Variants in NUP93 observed in about 807,000 individuals in gnomAD.
NUP93 encodes nucleoporin 93.
A neutral mutation model predicts 107.8 loss-of-function variants in NUP93; 55 were observed. That is an observed-to-expected ratio of 0.51 (90% confidence interval 0.41 to 0.64). The LOEUF (loss-of-function observed/expected upper bound fraction) is 0.64. Among genes scored for constraint, NUP93 ranks in the 30% least tolerant of loss-of-function variants. NUP93 has a pLI of 0.00. For missense variants in NUP93, 937 were observed against 1,044.7 expected (o/e 0.90, Z 1.42); for synonymous variants, 390 against 397.5 (o/e 0.98, Z 0.22).
rs551727792 is a variant in NUP93, at chr16:56,748,569, A to G, written c.179+143A>G. The G allele has an allele frequency of 7.8e-5, 54 of 694,236 alleles. 2 individuals carry two copies. In the South Asian group the frequency reaches 1.2e-3, roughly 16 times the overall value. The allele number at this position is 694,236 out of a possible 1,614,324, so 43.0% of individuals were successfully genotyped here. ...TGGGAACTCAGAAAGTGTTGTAAAC[A>G]GGACAGCAGCCTTGGTTTGTTTCCC... On this transcript the variant is annotated intron_variant, in intron 2 of 21. Coordinates refer to ENST00000308159, the MANE Select transcript of NUP93 (RefSeq NM_014669.5).
intron 9 of NUP93, among the ~76,000 whole-genome samples, chr16:56,830,036 C>A (rs538897545): frequency 6.6e-6 from 1 of 152,200 alleles, no homozygotes; most frequent in African/African-American, 2.4e-5. Flanking sequence ...TCTCTCAGAT[C>A]CCCAGTGCCC....
intron 8 of NUP93, 40 bp from the exon 9 acceptor site, chr16:56,828,937 T>C: frequency 8.1e-6 from 13 of 1,603,760 alleles, no homozygotes; most frequent in Non-Finnish European, 8.5e-6. Context: ...GTAATAAATG[T>C]TTTCAGTCTT....
intron 3 of NUP93, among the ~76,000 whole-genome samples, chr16:56,763,977 A>C (rs147758655): frequency 3.5e-4 from 54 of 152,324 alleles, no homozygotes; most frequent in African/African-American, 1.3e-3. Context: ...ATAACCATAA[A>C]AAAATTAGTG....
intron 5 of NUP93, among the ~76,000 whole-genome samples, chr16:56,806,586 T>C (rs1963146772): frequency 6.6e-6 from 1 of 152,176 alleles, no homozygotes; most frequent in Non-Finnish European, 1.5e-5. Flanking sequence ...GTCATTCACA[T>C]GGCTGTTGGC....
At chr16:56,837,149 T>C (rs1021674654) in intron 17 of NUP93, among the ~76,000 whole-genome samples, 1 of 152,226 alleles carries the variant, frequency 6.6e-6, no homozygotes, top group African/African-American at 2.4e-5. Context: ...TTGAGAGGAC[T>C]AGAATACATG....
chr16:56,801,899 G>C (rs566402882), intron 4 of NUP93, among the ~76,000 whole-genome samples: 3 of 152,146 alleles, frequency 2.0e-5, no homozygotes, highest in Non-Finnish European at 4.4e-5. Context: ...AATTCCCACT[G>C]TTGTCATTCT....
At chr16:56,835,370 G>A (rs1382673076) in intron 16 of NUP93, among the ~76,000 whole-genome samples, 10 of 152,172 alleles carry the variant, frequency 6.6e-5, no homozygotes, top group African/African-American at 9.7e-5. Flanking sequence ...GAGTTTTCTC[G>A]TTTGTAAAAA....
intron 3 of NUP93, among the ~76,000 whole-genome samples, chr16:56,780,198 A>G (rs1962488404): frequency 6.6e-6 from 1 of 152,208 alleles, no homozygotes; most frequent in African/African-American, 2.4e-5. Flanking sequence ...GAACAAAAAA[A>G]GCTTGATTGT....
chr16:56,839,834 T>C (rs2144647440), intron 20 of NUP93: 1 of 498,154 alleles, frequency 2.0e-6, no homozygotes, highest in East Asian at 3.6e-5. Context: ...GTCACTTCAG[T>C]GATTGACATG....
intron 3 of NUP93, among the ~76,000 whole-genome samples, chr16:56,759,161 C>T (rs1962080705): frequency 6.6e-6 from 1 of 152,174 alleles, no homozygotes; most frequent in African/African-American, 2.4e-5. Context: ...TAGAGCACTC[C>T]AGTCTCATTT....
intron 6 of NUP93, among the ~76,000 whole-genome samples, chr16:56,820,953 C>T (rs117814272): frequency 0.025 from 3,837 of 152,256 alleles, 74 homozygotes; most frequent in Middle Eastern, 0.041. Flanking sequence ...GTAAGAGTGG[C>T]TTTCCCATAC....
intron 3 of NUP93, among the ~76,000 whole-genome samples, chr16:56,759,567 A>G (rs565850697): frequency 6.6e-6 from 1 of 152,348 alleles, no homozygotes; most frequent in African/African-American, 2.4e-5. Context: ...TATTGCTGCT[A>G]TGTTCCCAAA....
intron 1 of NUP93, among the ~76,000 whole-genome samples, chr16:56,739,210 C>A (rs1462379214): frequency 8.0e-6 from 1 of 124,536 alleles, no homozygotes; most frequent in Non-Finnish European, 1.7e-5. Context: ...CATCCTGGCC[C>A]GTTCTCAATG....
intron 7 of NUP93, among the ~76,000 whole-genome samples, chr16:56,822,746 T>C (rs1275498521): frequency 6.6e-6 from 1 of 151,896 alleles, no homozygotes; most frequent in Non-Finnish European, 1.5e-5. Flanking sequence ...GTATTTTTGG[T>C]AGAGACGGGG....
chr16:56,780,028 C>A (rs1962485176), intron 3 of NUP93, among the ~76,000 whole-genome samples: 1 of 152,180 alleles, frequency 6.6e-6, no homozygotes, highest in African/African-American at 2.4e-5. Flanking sequence ...GAGTTTGCTT[C>A]TTGTACTGGT....
In NUP93 at chr16:56,733,880, C is replaced by T. The variant is rs965493349; in HGVS notation, c.-15+3669C>T. ...CAACTGTGTCCTCAAACAGCTAGATCCCCCATACACAGTTGCTAAAAGCCA... is the reference window on the plus strand; with the variant it reads ...CAACTGTGTCCTCAAACAGCTAGATTCCCCATACACAGTTGCTAAAAGCCA... On this transcript the variant is annotated intron_variant, in intron 1 of 21. Transcript: ENST00000308159. Among the ~76,000 whole-genome samples, 3 of 152,176 alleles carry T rather than the reference C, an allele frequency of 2.0e-5. No individual in the cohort carries two copies. The East Asian group carries it at 5.8e-4, about 29-fold the overall frequency.
chr16:56,737,238 G>A (rs113829269), intron 1 of NUP93, among the ~76,000 whole-genome samples: 19 of 152,332 alleles, frequency 1.2e-4, no homozygotes, highest in African/African-American at 3.8e-4. Context: ...GTTCTGGTGA[G>A]GGCCCTCTTC....
intron 1 of NUP93, among the ~76,000 whole-genome samples, chr16:56,747,318 T>C (rs1479713086): frequency 6.6e-6 from 1 of 152,258 alleles, no homozygotes; most frequent in African/African-American, 2.4e-5. Context: ...ATGGTGCTAC[T>C]TTTTATTTTC....
At chr16:56,738,059 C>T (rs541943368) in intron 1 of NUP93, among the ~76,000 whole-genome samples, 1 of 152,330 alleles carries the variant, frequency 6.6e-6, no homozygotes, top group Non-Finnish European at 1.5e-5. Context: ...GAGATAATTT[C>T]CATCACCACT....
Sources: gnomAD v4.1 joint callset for allele counts (sites outside exome capture counted in the v4.1 genomes callset) on GRCh38, gnomAD v4.1.1 for gene constraint, MANE v1.5 for transcripts, NCBI Gene and HGNC (gene_info 2026-07-23, HGNC 2026-07-21) for gene names.